Variants in ATXN1 observed in about 807,000 individuals in gnomAD.
ATXN1 encodes ataxin 1.
In ATXN1, 8 loss-of-function variants were observed where a neutral mutation model predicts 56.4. That is an observed-to-expected ratio of 0.14 (90% confidence interval 0.08 to 0.26). The LOEUF is 0.26. Ranked by LOEUF, ATXN1 falls within the 10% of genes least tolerant of loss-of-function variation. The pLI, the probability that ATXN1 is intolerant of heterozygous loss-of-function variation, is 1.00. For missense variants in ATXN1, 987 were observed against 1,106.5 expected, an observed-to-expected ratio of 0.89 and a Z score of 1.53; for synonymous variants, 514 against 494.6, an observed-to-expected ratio of 1.04 and a Z score of -0.52.
chr6:16,700,638 T>TCAG (rs1252610243), intron 2 of ATXN1, among the ~76,000 whole-genome samples: 5 of 152,122 alleles, frequency 3.3e-5, no homozygotes, highest in Non-Finnish European at 7.4e-5. Flanking sequence ...TACCCCAGCT[T>TCAG]CAGCCTCCTT....
chr6:16,756,738 T>A (rs1439008543), intron 1 of ATXN1, among the ~76,000 whole-genome samples: 1 of 152,204 alleles, frequency 6.6e-6, no homozygotes, highest in Non-Finnish European at 1.5e-5. Flanking sequence ...GCTGTTCAGA[T>A]CCTAATCTAT....
chr6:16,604,094 G>A (rs559695606), intron 3 of ATXN1, among the ~76,000 whole-genome samples: 9 of 152,200 alleles, frequency 5.9e-5, no homozygotes, highest in East Asian at 5.8e-4. Context: ...ATAAGGCTTC[G>A]TAAAGGGGGG....
At chr6:16,338,039 ATAT>A (rs1032855872) in intron 6 of ATXN1, among the ~76,000 whole-genome samples, 1 of 152,194 alleles carries the variant, frequency 6.6e-6, no homozygotes, top group Non-Finnish European at 1.5e-5. Context: ...ATAAATATTA[ATAT>A]TATTATTACT....
intron 6 of ATXN1, among the ~76,000 whole-genome samples, chr6:16,454,982 T>C (rs1444344541): frequency 6.6e-6 from 1 of 152,274 alleles, no homozygotes; most frequent in East Asian, 1.9e-4. Flanking sequence ...ACCACTGTTA[T>C]GTATGGAAAG....
chr6:16,442,206 T>C (rs1472012681), intron 6 of ATXN1, among the ~76,000 whole-genome samples: 1 of 152,062 alleles, frequency 6.6e-6, no homozygotes, highest in Non-Finnish European at 1.5e-5. Flanking sequence ...AAGCCAAGGA[T>C]CTTATACCCA....
At chr6:16,752,789 A>G (rs1760762489) in intron 2 of ATXN1, among the ~76,000 whole-genome samples, 1 of 152,254 alleles carries the variant, frequency 6.6e-6, no homozygotes, top group Non-Finnish European at 1.5e-5. Context: ...AACAGACACA[A>G]AGAAATTCAA....
intron 6 of ATXN1, among the ~76,000 whole-genome samples, chr6:16,457,072 T>C (rs1759891185): frequency 6.6e-6 from 1 of 152,186 alleles, no homozygotes; most frequent in Non-Finnish European, 1.5e-5. Context: ...TTTTGAGGCA[T>C]ATTATCTTTA....
At chr6:16,344,624 C>T (rs975628991) in intron 6 of ATXN1, among the ~76,000 whole-genome samples, 4 of 152,256 alleles carry the variant, frequency 2.6e-5, no homozygotes, top group Non-Finnish European at 5.9e-5. Flanking sequence ...TTGGCCAGGG[C>T]TCTTGGGCCT....
chr6:16,623,245 G>A (rs1763350733), intron 3 of ATXN1, among the ~76,000 whole-genome samples: 1 of 152,120 alleles, frequency 6.6e-6, no homozygotes, highest in African/African-American at 2.4e-5. Context: ...CTGAGTCACA[G>A]GGTATACACA....
chr6:16,409,904 T>C (rs1194576400), intron 6 of ATXN1, among the ~76,000 whole-genome samples: 1 of 152,182 alleles, frequency 6.6e-6, no homozygotes, highest in African/African-American at 2.4e-5. Flanking sequence ...GGGCTGATGA[T>C]GCTGGTTGCG....
chr6:16,747,671 AAAAC>A (rs1458571847), intron 2 of ATXN1, among the ~76,000 whole-genome samples: 25 of 152,168 alleles, frequency 1.6e-4, no homozygotes, highest in African/African-American at 6.0e-4. Flanking sequence ...AAAAAAAAAA[AAAAC>A]AAAAGTCCTC....
At chr6:16,679,395 G>C (rs987525905) in intron 2 of ATXN1, among the ~76,000 whole-genome samples, 4 of 151,604 alleles carry the variant, frequency 2.6e-5, no homozygotes, top group Non-Finnish European at 4.4e-5. Context: ...TGGATGGATG[G>C]ATGGATGGAT....
chr6:16,748,117 A>T (rs1377374510), intron 2 of ATXN1, among the ~76,000 whole-genome samples: 1 of 152,224 alleles, frequency 6.6e-6, no homozygotes, highest in Non-Finnish European at 1.5e-5. Context: ...GGATAAGCAA[A>T]TTGCCACTGT....
At chr6:16,484,107 G>A (rs1760492561) in intron 6 of ATXN1, among the ~76,000 whole-genome samples, 1 of 152,054 alleles carries the variant, frequency 6.6e-6, no homozygotes, top group Non-Finnish European at 1.5e-5. Flanking sequence ...CCCTTATGAG[G>A]ACCCTAAACC....
intron 4 of ATXN1, among the ~76,000 whole-genome samples, chr6:16,579,707 G>T (rs1762493804): frequency 6.6e-6 from 1 of 151,872 alleles, no homozygotes; most frequent in South Asian, 2.1e-4. Context: ...AAAAATACAG[G>T]GTGTTGAACA....
chr6:16,337,591 G>C (rs976269100), intron 6 of ATXN1, among the ~76,000 whole-genome samples: 1 of 152,266 alleles, frequency 6.6e-6, no homozygotes, highest in African/African-American at 2.4e-5. Flanking sequence ...GAGTTTTTAA[G>C]AAAAGCTGGA....
intron 3 of ATXN1, among the ~76,000 whole-genome samples, chr6:16,598,703 C>T (rs1762861319): frequency 6.6e-6 from 1 of 152,162 alleles, no homozygotes; most frequent in South Asian, 2.1e-4. Flanking sequence ...GATAAGGCGG[C>T]CAGCAAGCTG....
chr6:16,469,979 AAGAG>A (rs1760185614), intron 6 of ATXN1, among the ~76,000 whole-genome samples: 6 of 152,020 alleles, frequency 3.9e-5, no homozygotes, highest in African/African-American at 9.7e-5. Flanking sequence ...AAAAAAGAAA[AAGAG>A]AGAGTTGATG....
chr6:16,436,037 A>G (rs948758121), intron 6 of ATXN1, among the ~76,000 whole-genome samples: 4 of 151,972 alleles, frequency 2.6e-5, no homozygotes, highest in Non-Finnish European at 4.4e-5. Context: ...GGCTGGGACT[A>G]CAGGCGCCTG....
Sources: allele counts gnomAD v4.1 joint callset (sites outside exome capture counted in the v4.1 genomes callset), GRCh38; gene constraint gnomAD v4.1.1; transcripts MANE v1.5; gene names NCBI Gene and HGNC (gene_info 2026-07-23, HGNC 2026-07-21).